Variants in NMNAT3 observed in about 807,000 individuals in gnomAD.
NMNAT3 encodes the protein nicotinamide/nicotinic acid mononucleotide adenylyltransferase 3.
Under a neutral mutation model 24.8 loss-of-function variants are expected in NMNAT3, and 21 were observed. That is an observed-to-expected ratio of 0.85 (90% CI 0.60 to 1.22). The LOEUF is 1.22. NMNAT3 is among the 50% of genes most tolerant of loss of function. The pLI is 0.00. For synonymous variants in NMNAT3, 136 were observed against 155.2 expected (o/e 0.88, Z 0.92); for missense variants, 387 against 436.6 (o/e 0.89, Z 1.01).
At chr3:139,609,800 C>A (rs1159484510) in intron 3 of NMNAT3, 1 of 152,242 alleles carries the variant, frequency 6.6e-6, no homozygotes, top group African/African-American at 2.4e-5. Context: ...ACTCCTTAGG[C>A]AACCTGGTGG....
At chr3:139,677,145 C>T (rs1448159026) in intron 1 of NMNAT3, among the ~76,000 whole-genome samples, 4 of 152,162 alleles carry the variant, frequency 2.6e-5, no homozygotes, top group Non-Finnish European at 2.9e-5. Flanking sequence ...GTTCCAGCAG[C>T]CTTTGTAGCT....
At chr3:139,636,230 GA>G (rs1452409131) in intron 2 of NMNAT3, 2 of 151,822 alleles carry the variant, frequency 1.3e-5, no homozygotes, top group Admixed American at 1.3e-4. Context: ...TATAAAAATG[GA>G]AAAGTATGTA....
intron 3 of NMNAT3, among the ~76,000 whole-genome samples, chr3:139,590,284 T>C (rs759398164): frequency 7.9e-5 from 12 of 152,196 alleles, no homozygotes; most frequent in Non-Finnish European, 1.5e-4. Context: ...AGTGGAATCA[T>C]AGTGCACTGC....
rs186406766 is a variant in NMNAT3, at chr3:139,587,982, T to C, written c.110-4774A>G. ...CCTGTGATGGTTTAGCTCATCTTGA[T>C]AGGACAGGCCCTGCATTGAGAAATC... On this transcript the variant is annotated intron_variant, in intron 3 of 6. Coordinates refer to ENST00000643695, the MANE Select transcript of NMNAT3 (RefSeq NM_001320510.2). 2.4e-3 allele frequency among the ~76,000 whole-genome samples: 373 copies of C among 152,324 alleles called. 2 individuals are homozygous for C. The highest frequency in any genetic ancestry group is 4.1e-3 in the Non-Finnish European group (282 of 68,026).
chr3:139,646,881 C>G (rs935349919), intron 1 of NMNAT3, among the ~76,000 whole-genome samples: 1 of 152,204 alleles, frequency 6.6e-6, no homozygotes, highest in Admixed American at 6.5e-5. Context: ...TGTACGCTCA[C>G]GAACCTTATC....
intron 3 of NMNAT3, among the ~76,000 whole-genome samples, chr3:139,597,960 T>G (rs2108206384): frequency 6.6e-6 from 1 of 152,378 alleles, no homozygotes; most frequent in Middle Eastern, 3.4e-3. Flanking sequence ...AAACTGCTTA[T>G]TCTTGTATGC....
chr3:139,587,917 C>A (rs769121448), intron 3 of NMNAT3, among the ~76,000 whole-genome samples: 2 of 152,186 alleles, frequency 1.3e-5, no homozygotes, highest in Non-Finnish European at 2.9e-5. Context: ...AGGGCTCTCT[C>A]CAGGCAGCTC....
intron 3 of NMNAT3, among the ~76,000 whole-genome samples, chr3:139,607,706 A>G (rs759043743): frequency 6.6e-6 from 1 of 152,154 alleles, no homozygotes; most frequent in Non-Finnish European, 1.5e-5. Context: ...TCAGAGCTAT[A>G]TAAAGAGGAA....
At chr3:139,628,872 G>A (rs1428708786) in intron 2 of NMNAT3, among the ~76,000 whole-genome samples, 2 of 152,182 alleles carry the variant, frequency 1.3e-5, no homozygotes, top group East Asian at 1.9e-4. Context: ...TGCCTGATAC[G>A]TAAGAAGCAT....
intron 1 of NMNAT3, among the ~76,000 whole-genome samples, chr3:139,673,932 G>A (rs915850682): frequency 2.0e-5 from 3 of 152,230 alleles, no homozygotes; most frequent in Admixed American, 1.3e-4. Context: ...ACAGGCACCC[G>A]CTGGTACTAT....
At position 139,583,030 on chromosome 3, in the gene NMNAT3, A is replaced by G; in HGVS notation, c.288T>C (p.Asp96=). ...TGCCTTTGCACTTGCTGTCATTCAA[A>G]TCACAGAACGCTTGTTCTTCAGTTC... Residue 96 remains aspartate, a synonymous_variant, in exon 4 of 7, where the codon GAT becomes GAC. Transcript: ENST00000643695. The G allele has an allele frequency of 6.2e-7, 1 of 1,607,430 alleles. No homozygotes were observed. The highest frequency in any genetic ancestry group is 8.5e-7 in the Non-Finnish European group (1 of 1,176,604).
Position 139,665,990 on chromosome 3 carries a change from C to T in NMNAT3, c.-141+11715G>A, listed in dbSNP as rs552704364. On this transcript the variant is annotated intron_variant, in intron 1 of 6. Coordinates refer to ENST00000643695, the MANE Select transcript of NMNAT3 (RefSeq NM_001320510.2). ...ATTGAATATATTCATATTTATTTTT[C>T]TTAACTTTTGAATCATGTAAATATG... Among the ~76,000 whole-genome samples the T allele has an allele frequency of 2.0e-5, 3 of 152,164 alleles. No homozygotes were observed. The South Asian group carries it at 6.2e-4, about 32-fold the overall frequency.
At chr3:139,676,989 A>G (rs150585560) in intron 1 of NMNAT3, among the ~76,000 whole-genome samples, 2 of 152,168 alleles carry the variant, frequency 1.3e-5, no homozygotes, top group African/African-American at 4.8e-5. Flanking sequence ...CATTTTACAG[A>G]GGAGAACGTT....
chr3:139,577,276 T>C (rs1237262527), intron 5 of NMNAT3, among the ~76,000 whole-genome samples: 1 of 152,200 alleles, frequency 6.6e-6, no homozygotes, highest in Admixed American at 6.5e-5. Flanking sequence ...GGACAAATTA[T>C]GGGCCAGCAT....
chr3:139,585,716 G>A (rs556862469), intron 3 of NMNAT3, among the ~76,000 whole-genome samples: 45 of 152,304 alleles, frequency 3.0e-4, no homozygotes, highest in African/African-American at 8.9e-4. Flanking sequence ...TCTGAGCAAG[G>A]ACTCATGTGT....
At chr3:139,572,109 C>T in intron 6 of NMNAT3, 1 of 398,864 alleles carries the variant, frequency 2.5e-6, no homozygotes, top group Non-Finnish European at 4.4e-6. Flanking sequence ...GGACTCACCT[C>T]CATTCATACC....
chr3:139,677,195 A>C (rs1311401885), intron 1 of NMNAT3, among the ~76,000 whole-genome samples: 2 of 152,140 alleles, frequency 1.3e-5, no homozygotes, highest in African/African-American at 4.8e-5. Flanking sequence ...CTAGAATTTC[A>C]ATCTTCATAG....
At chr3:139,599,283 A>G (rs1286216256) in intron 3 of NMNAT3, 1 of 701,836 alleles carries the variant, frequency 1.4e-6, no homozygotes, top group Admixed American at 2.0e-5. Context: ...AATGATTACT[A>G]ATTTGCCTCT....
At chr3:139,563,183 T>G (rs935243902) in intron 6 of NMNAT3, among the ~76,000 whole-genome samples, 1 of 152,214 alleles carries the variant, frequency 6.6e-6, no homozygotes, top group Non-Finnish European at 1.5e-5. Context: ...TAACTCACAC[T>G]TTTCACTAAT....
Sources: allele counts gnomAD v4.1 joint callset (sites outside exome capture counted in the v4.1 genomes callset), GRCh38; gene constraint gnomAD v4.1.1; transcripts MANE v1.5; gene names NCBI Gene and HGNC (gene_info 2026-07-23, HGNC 2026-07-21).